SDK1: variants seen among roughly 807,000 people sequenced by gnomAD.
SDK1 encodes protein sidekick-1.
Under a neutral mutation model 245.5 loss-of-function variants are expected in SDK1, and 157 were observed. The observed-to-expected ratio is 0.64, with a 90% CI of 0.56 to 0.73. The LOEUF (loss-of-function observed/expected upper bound fraction) is 0.73. Among genes scored for constraint, SDK1 ranks in the 30% least tolerant of loss-of-function variants. The pLI, the probability that SDK1 is intolerant of heterozygous loss-of-function variation, is 0.00. For synonymous variants in SDK1, 1,647 were observed against 1,278.5 expected, an observed-to-expected ratio of 1.29 and a Z score of -6.15; for missense variants, 3,583 against 3,002.3, an observed-to-expected ratio of 1.19 and a Z score of -4.52.
chr7:3,602,009 A>G (rs1326089042), intron 1 of SDK1, among the ~76,000 whole-genome samples: 1 of 151,960 alleles, frequency 6.6e-6, no homozygotes, highest in African/African-American at 2.4e-5. Context: ...ACATGAACTC[A>G]TCCTTTTTTA....
At chr7:4,051,869 C>A in intron 19 of SDK1, 39 bp downstream of exon 19, 3 of 1,564,266 alleles carry the variant, frequency 1.9e-6, no homozygotes, top group South Asian at 1.1e-5. Context: ...AGTCACTTGT[C>A]AAAGAGGTGT....
At chr7:3,466,331 T>C (rs1400119436) in intron 1 of SDK1, among the ~76,000 whole-genome samples, 1 of 151,468 alleles carries the variant, frequency 6.6e-6, no homozygotes, top group Non-Finnish European at 1.5e-5. Flanking sequence ...AAGTCCTGGA[T>C]GCTGCTTCTC....
chr7:3,719,295 C>T (rs191838866), intron 4 of SDK1, among the ~76,000 whole-genome samples: 34 of 142,764 alleles, frequency 2.4e-4, no homozygotes, highest in African/African-American at 8.1e-4. Context: ...CAGTCTCATT[C>T]TGAAATGTAG....
chr7:3,636,582 C>G (rs192159735), intron 2 of SDK1, among the ~76,000 whole-genome samples: 2 of 152,316 alleles, frequency 1.3e-5, no homozygotes, highest in African/African-American at 4.8e-5. Context: ...TGTGTATACA[C>G]CACCTTTTCT....
At chr7:3,696,622 A>C (rs7792769) in intron 4 of SDK1, among the ~76,000 whole-genome samples, 119,157 of 151,268 alleles carry the variant, frequency 0.79, 47,016 homozygotes, top group Non-Finnish European at 0.82. Context: ...ATTTAAGGTT[A>C]CTCAAAAAGC....
intron 5 of SDK1, among the ~76,000 whole-genome samples, chr7:3,943,529 C>A (rs1413241627): frequency 6.7e-6 from 1 of 150,282 alleles, no homozygotes; most frequent in Non-Finnish European, 1.5e-5. Context: ...GTCCATTTCC[C>A]CCACCCCACC....
At chr7:3,564,134 G>A (rs1779833117) in intron 1 of SDK1, among the ~76,000 whole-genome samples, 3 of 150,962 alleles carry the variant, frequency 2.0e-5, no homozygotes, top group South Asian at 2.1e-4. Flanking sequence ...GATAAAAAAT[G>A]AGCCAAAAAG....
intron 1 of SDK1, among the ~76,000 whole-genome samples, chr7:3,438,555 G>A (rs1394447225): frequency 3.3e-5 from 5 of 152,308 alleles, no homozygotes; most frequent in Admixed American, 6.5e-5. Context: ...CCATGTGTCA[G>A]TGCTGCTGAT....
At chr7:4,157,263 AGGAAGGAAGAATGAAGGAGG>A (rs1324642918) in intron 30 of SDK1, among the ~76,000 whole-genome samples, 4 of 150,952 alleles carry the variant, frequency 2.6e-5, no homozygotes, top group African/African-American at 7.3e-5. Context: ...GACGGAAGGA[AGGAAGGAAGAATGAAGGAGG>A]GGAAGGAAGA....
intron 1 of SDK1, among the ~76,000 whole-genome samples, chr7:3,468,643 GTATT>G (rs146344946): frequency 0.21 from 32,211 of 151,976 alleles, 5,123 homozygotes; most frequent in African/African-American, 0.45. Flanking sequence ...GAAGGAAGGA[GTATT>G]GAATACATGC....
At chr7:3,696,102 T>C (rs757002996) in intron 4 of SDK1, among the ~76,000 whole-genome samples, 1 of 152,132 alleles carries the variant, frequency 6.6e-6, no homozygotes, top group Non-Finnish European at 1.5e-5. Flanking sequence ...CTCTTCTCAC[T>C]CTAAACTGTC....
At chr7:4,228,267 A>G (rs1773335161) in intron 40 of SDK1, among the ~76,000 whole-genome samples, 1 of 152,144 alleles carries the variant, frequency 6.6e-6, no homozygotes, top group Non-Finnish European at 1.5e-5. Flanking sequence ...TTCAGTAACA[A>G]GAGTCCAGGA....
At position 4,108,350 on chromosome 7, in the gene SDK1, T is replaced by C. The variant is rs147990560; in HGVS notation, c.3325-2313T>C. ...TGGAACCTTAATCTATCCACATAACTCTTGTTTTCTGTGTCTCTGAAGTGA... is the reference window on the plus strand; with the variant it reads ...TGGAACCTTAATCTATCCACATAACCCTTGTTTTCTGTGTCTCTGAAGTGA... On this transcript the variant is annotated intron_variant, in intron 22 of 44. Coordinates refer to ENST00000404826, the MANE Select transcript of SDK1 (RefSeq NM_152744.4). Among the ~76,000 whole-genome samples, 47 of 152,208 alleles carry C rather than the reference T, an allele frequency of 3.1e-4. No homozygotes were observed. The East Asian group carries it at 8.5e-3, about 28-fold the overall frequency.
In SDK1 at chr7:3,913,380, G is replaced by A. The variant is rs191437458; in HGVS notation, c.848-37543G>A. Among the ~76,000 whole-genome samples, 639 of 145,816 alleles carry A rather than the reference G, an allele frequency of 4.4e-3. 7 individuals carry two copies. Among genetic ancestry groups the A allele is most frequent in the Admixed American group, 0.013 (181 of 14,130 alleles). On this transcript the variant is annotated intron_variant, in intron 5 of 44. Coordinates refer to ENST00000404826, the MANE Select transcript of SDK1 (RefSeq NM_152744.4). ...ACGATCTCGGCTCACTGCAACCTCC[G>A]CCTCCCAGGTTCACGCCATTCTCCT...
rs1476921356 is a variant in SDK1, at chr7:4,139,690, TA to T, written c.4229-6031del. 7.7e-5 allele frequency among the ~76,000 whole-genome samples: 11 copies of T among 142,890 alleles called. 1 individual carries two copies. The highest frequency in any genetic ancestry group is 6.0e-5 in the Non-Finnish European group (4 of 66,332). The allele number at this position is 142,890 out of a possible 152,430, so 93.7% of individuals were successfully genotyped here. On this transcript the variant is annotated intron_variant, in intron 28 of 44. Coordinates refer to ENST00000404826, the MANE Select transcript of SDK1 (RefSeq NM_152744.4). ...GTGTGTGTGTATATGTGTGTGTGTG[TA>T]TGTGTGTGTGTGTATGTGTGTGTGT...
At chr7:4,034,663 C>T (rs1429611393) in intron 17 of SDK1, among the ~76,000 whole-genome samples, 1 of 152,188 alleles carries the variant, frequency 6.6e-6, no homozygotes, top group Non-Finnish European at 1.5e-5. Flanking sequence ...ACAAACTCGA[C>T]TTTTAGGAGT....
intron 28 of SDK1, among the ~76,000 whole-genome samples, chr7:4,141,151 C>T (rs896218175): frequency 2.0e-5 from 3 of 152,158 alleles, no homozygotes; most frequent in African/African-American, 4.8e-5. Flanking sequence ...GTGAGGCCCA[C>T]GTGGGGCAGT....
intron 28 of SDK1, among the ~76,000 whole-genome samples, chr7:4,139,503 G>C (rs1386654714): frequency 7.8e-6 from 1 of 128,088 alleles, no homozygotes; most frequent in African/African-American, 2.9e-5. Context: ...ATGTGTGTGT[G>C]TATATGTATA....
rs543362780 is a variant in SDK1, at chr7:4,010,834, A to G, written c.2132-132A>G. The G allele has an allele frequency of 5.9e-5, 55 of 926,890 alleles. No homozygotes were observed. The South Asian group carries it at 9.5e-4, about 16-fold the overall frequency. 57.4% of individuals were successfully genotyped at this position (926,890 alleles called of 1,614,324 possible). On this transcript the variant is annotated intron_variant, in intron 14 of 44. Transcript: ENST00000404826. ...TCAGTTTCCACACCTGCTAAATGGG[A>G]TAAGCTTTCCTTCTCCTAGAGCTGT...
Sources: gnomAD v4.1 joint callset for allele counts (sites outside exome capture counted in the v4.1 genomes callset) on GRCh38, gnomAD v4.1.1 for gene constraint, MANE v1.5 for transcripts, NCBI Gene and HGNC (gene_info 2026-07-23, HGNC 2026-07-21) for gene names.